Variants in PRR16 observed in about 807,000 individuals in gnomAD.
PRR16 encodes proline rich 16.
A neutral mutation model predicts 18.2 loss-of-function variants in PRR16; 6 were observed. That is an observed-to-expected ratio of 0.33 (90% CI 0.18 to 0.65). The LOEUF (loss-of-function observed/expected upper bound fraction) is 0.65, where lower values mean the gene tolerates loss of function less well. Ranked by LOEUF, PRR16 falls within the 30% of genes least tolerant of loss-of-function variation. The probability of loss-of-function intolerance (pLI) is 0.74; values close to 1 mark genes in which losing one functional copy is unlikely to be tolerated. For missense variants in PRR16, 412 were observed against 376.6 expected, an observed-to-expected ratio of 1.09 and a Z score of -0.78; for synonymous variants, 151 against 147.8, an observed-to-expected ratio of 1.02 and a Z score of -0.16.
chr5:120,766,057 G>T, the PRR16 span, among the ~76,000 whole-genome samples: 103 of 152,150 alleles, frequency 6.8e-4, no homozygotes, highest in African/African-American at 2.3e-3. Context: ...ATTATAAACA[G>T]TAATGCTGTA....
At chr5:120,704,190 G>T in the PRR16 span, among the ~76,000 whole-genome samples, 3 of 152,150 alleles carry the variant, frequency 2.0e-5, no homozygotes, top group African/African-American at 7.2e-5. Context: ...GTTGGTGGTG[G>T]AGAAGGACAA....
the PRR16 span, among the ~76,000 whole-genome samples, chr5:120,776,684 A>G: frequency 7.2e-5 from 11 of 152,138 alleles, no homozygotes; most frequent in Non-Finnish European, 1.6e-4. Context: ...CAGAGAGATA[A>G]CAGATATTGT....
chr5:120,785,572 G>GTTTTTTTTTTTTTTTTTTTTTTT, the PRR16 span, among the ~76,000 whole-genome samples: 83 of 119,940 alleles, frequency 6.9e-4, 16 homozygotes, highest in Middle Eastern at 4.4e-3. Flanking sequence ...TTTTGTTGTT[G>GTTTTTTTTTTTTTTTTTTTTTTT]TTGTTTTTTT....
intron 1 of PRR16, among the ~76,000 whole-genome samples, chr5:120,617,699 A>T (rs1754560781): frequency 6.6e-6 from 1 of 152,140 alleles, no homozygotes. Context: ...TTTATAAAAG[A>T]TATGATAATT....
chr5:120,643,140 T>A (rs1358000116), intron 1 of PRR16, among the ~76,000 whole-genome samples: 5 of 152,052 alleles, frequency 3.3e-5, no homozygotes, highest in African/African-American at 4.8e-5. Flanking sequence ...AAATGTAAGC[T>A]TATTGATAAT....
At position 120,533,749 on chromosome 5, in the gene PRR16, G is replaced by T. The variant is rs76527898; in HGVS notation, c.159+69104G>T. ...AAAGGCAGAAAGAGTCTGTCCGCTG[G>T]CTGTTGCAATCCTTGCAAAACTTTT... On this transcript the variant is annotated intron_variant, in intron 1 of 1. Coordinates refer to ENST00000407149, the MANE Select transcript of PRR16 (RefSeq NM_001300783.2). Among the ~76,000 whole-genome samples, 1,167 of 152,290 alleles carry T rather than the reference G, an allele frequency of 7.7e-3. 16 individuals are homozygous for T. Among genetic ancestry groups the T allele is most frequent in the African/African-American group, 0.027 (1,104 of 41,554 alleles).
At chr5:120,682,250 T>G (rs1397154398) in intron 1 of PRR16, among the ~76,000 whole-genome samples, 8 of 152,156 alleles carry the variant, frequency 5.3e-5, no homozygotes, top group Non-Finnish European at 7.3e-5. Flanking sequence ...AAGCTCCAAC[T>G]CATCCTTACA....
chr5:120,726,579 C>T, the PRR16 span, among the ~76,000 whole-genome samples: 2 of 152,044 alleles, frequency 1.3e-5, no homozygotes, highest in African/African-American at 4.8e-5. Flanking sequence ...TTGATTCTTA[C>T]AAATTTTAAT....
At chr5:120,570,851 A>G (rs1360043601) in intron 1 of PRR16, among the ~76,000 whole-genome samples, 1 of 152,180 alleles carries the variant, frequency 6.6e-6, no homozygotes, top group East Asian at 1.9e-4. Flanking sequence ...TTAAATATAT[A>G]TAGTTTCTTA....
At chr5:120,641,705 G>A (rs374078041) in intron 1 of PRR16, among the ~76,000 whole-genome samples, 1 of 152,042 alleles carries the variant, frequency 6.6e-6, no homozygotes, top group South Asian at 2.1e-4. Context: ...GCAAGTAAAA[G>A]AAAATGCAAC....
chr5:120,464,947 C>G (rs1749026934), intron 1 of PRR16, among the ~76,000 whole-genome samples: 1 of 151,988 alleles, frequency 6.6e-6, no homozygotes, highest in Non-Finnish European at 1.5e-5. Context: ...AGAGGGTTAG[C>G]TGGGGGTGTG....
downstream of PRR16, among the ~76,000 whole-genome samples, chr5:120,687,604 G>C (rs960979754): frequency 3.9e-5 from 6 of 152,104 alleles, no homozygotes; most frequent in African/African-American, 1.2e-4. Context: ...GAGGCTGTAG[G>C]GTGTTTTGCC....
At chr5:120,705,014 T>C in the PRR16 span, among the ~76,000 whole-genome samples, 2 of 152,080 alleles carry the variant, frequency 1.3e-5, no homozygotes, top group African/African-American at 2.4e-5. Context: ...GTGGGAAATA[T>C]ATGACTTCCA....
rs1037328221 is a variant in PRR16, at chr5:120,485,645, G to C, written c.159+21000G>C. ...TTGGTGTAAATTATGCCTAGATTTA[G>C]TTATTTTTTTTTTATTATTATACTT... On this transcript the variant is annotated intron_variant, in intron 1 of 1. Transcript: ENST00000407149. Among the ~76,000 whole-genome samples the C allele has an allele frequency of 2.6e-5, 4 of 151,838 alleles. No individual in the cohort carries two copies. The South Asian group carries it at 8.3e-4, about 32-fold the overall frequency.
chr5:120,471,327 CGTT>C (rs1749262409), intron 1 of PRR16, among the ~76,000 whole-genome samples: 1 of 151,986 alleles, frequency 6.6e-6, no homozygotes, highest in Admixed American at 6.6e-5. Context: ...TATGGAAGCT[CGTT>C]GATACTTAGC....
At chr5:120,651,178 T>C (rs1755774829) in intron 1 of PRR16, among the ~76,000 whole-genome samples, 1 of 152,128 alleles carries the variant, frequency 6.6e-6, no homozygotes, top group Non-Finnish European at 1.5e-5. Context: ...TGGGGTTGTT[T>C]GGTTTTTTCT....
chr5:120,766,444 CT>C, the PRR16 span, among the ~76,000 whole-genome samples: 6 of 151,898 alleles, frequency 4.0e-5, no homozygotes, highest in African/African-American at 7.2e-5. Context: ...TCTATTATAT[CT>C]TTTTTTCATT....
At chr5:120,770,405 T>C in the PRR16 span, among the ~76,000 whole-genome samples, 1 of 151,972 alleles carries the variant, frequency 6.6e-6, no homozygotes, top group Non-Finnish European at 1.5e-5. Flanking sequence ...TGCCTTACAT[T>C]ATACAGAAAA....
rs1395824211 is a variant in PRR16, at chr5:120,464,762, G to A, written c.159+117G>A. 3 of 1,127,780 alleles carry A rather than the reference G, an allele frequency of 2.7e-6. No individual in the cohort carries two copies. The Admixed American group carries it at 9.0e-5, about 34-fold the overall frequency. The allele number at this position is 1,127,780 out of a possible 1,614,324, so 69.9% of individuals were successfully genotyped here. A position where few individuals can be genotyped will look rare whatever the true frequency, so the allele number is the denominator to read the frequency against. ...AAACTCCTGGGAAACTACAGAAAAG[G>A]CGCCTGCAGACGGACTTTCTTTGCT... On this transcript the variant is annotated intron_variant, in intron 1 of 1. Coordinates refer to ENST00000407149, the MANE Select transcript of PRR16 (RefSeq NM_001300783.2).
Sources: gnomAD v4.1 joint callset for allele counts (sites outside exome capture counted in the v4.1 genomes callset) on GRCh38, gnomAD v4.1.1 for gene constraint, MANE v1.5 for transcripts, NCBI Gene and HGNC (gene_info 2026-07-23, HGNC 2026-07-21) for gene names.